Variants in RHD observed in about 807,000 individuals in gnomAD.
RHD encodes the protein Rh blood group D antigen.
Under a neutral mutation model 45.5 loss-of-function variants are expected in RHD, and 16 were observed. The ratio of observed to expected loss-of-function variants is 0.35; its 90% CI spans 0.24 to 0.53. RHD has a LOEUF of 0.53. Among genes scored for constraint, RHD ranks in the 20% least tolerant of loss-of-function variants. RHD has a pLI of 0.92. For missense variants in RHD, 306 were observed against 532.0 expected (o/e 0.58, Z 4.18); for synonymous variants, 131 against 217.5 (o/e 0.60, Z 3.50).
At chr1:25,319,158 A>G (rs780191643) in intron 8 of RHD, among the ~76,000 whole-genome samples, 2 of 129,594 alleles carry the variant, frequency 1.5e-5, no homozygotes, top group Admixed American at 7.4e-5. Context: ...TGGTATGTTC[A>G]AAGTGGTGCT....
At chr1:25,308,550 T>C (rs535247682) in intron 7 of RHD, among the ~76,000 whole-genome samples, 1 of 132,176 alleles carries the variant, frequency 7.6e-6, no homozygotes, top group East Asian at 2.0e-4. Context: ...TTGGTAGCAC[T>C]TGCAATTTCT....
In RHD at chr1:25,303,469, T is replaced by C. The variant is rs1234953353; in HGVS notation, c.939+10T>C. On this transcript the variant is annotated intron_variant, in intron 6 of 9. Coordinates refer to ENST00000328664, the MANE Select transcript of RHD (RefSeq NM_016124.6). ...AGCCAAGTACCTGCCGGTAAGAAAC[T>C]AGACAACTAACCTCCTCTGCTTTGG... 1 of 1,378,632 alleles carries C rather than the reference T, an allele frequency of 7.3e-7. No homozygotes were observed. Among genetic ancestry groups the C allele is most frequent in the African/African-American group, 1.4e-5 (1 of 70,238 alleles). 85.4% of individuals were successfully genotyped at this position (1,378,632 alleles called of 1,614,324 possible).
chr1:25,322,074 G>A, intron 9 of RHD, 112 bp downstream of exon 9: 2 of 582,896 alleles, frequency 3.4e-6, no homozygotes, highest in East Asian at 2.7e-5. Context: ...CAAAAATGGA[G>A]TAAGGAGCAT....
At chr1:25,301,386 C>G in intron 4 of RHD, 134 bp from the exon 5 acceptor site, 1 of 876,584 alleles carries the variant, frequency 1.1e-6, no homozygotes, top group South Asian at 1.4e-5. Flanking sequence ...GGAGGGGAGA[C>G]GTGACTTCCC....
chr1:25,295,303 A>G (rs1337305549), intron 3 of RHD, among the ~76,000 whole-genome samples: 1 of 108,774 alleles, frequency 9.2e-6, no homozygotes, highest in Non-Finnish European at 2.2e-5. Flanking sequence ...GCTACTTCCT[A>G]GGGCTGTTGT....
Position 25,309,699 on chromosome 1 carries a change from C to G in RHD, c.1073+2970C>G, listed in dbSNP as rs2986171. ...GCCTAGTTTGAATCCCAAGAGCCACCCAGTCCAAGCCACAAAACATTGGAA... is the reference window on the plus strand; with the variant it reads ...GCCTAGTTTGAATCCCAAGAGCCACGCAGTCCAAGCCACAAAACATTGGAA... On this transcript the variant is annotated intron_variant, in intron 7 of 9. Transcript: ENST00000328664. 2.4e-5 allele frequency among the ~76,000 whole-genome samples: 3 copies of G among 125,724 alleles called. 1 individual carries two copies. The highest frequency in any genetic ancestry group is 3.6e-5 in the Non-Finnish European group (2 of 55,414). 82.5% of individuals were successfully genotyped at this position (125,724 alleles called of 152,430 possible).
Position 25,307,041 on chromosome 1 carries a change from G to A in RHD, c.1073+312G>A, listed in dbSNP as rs1401918032. ...CAAGCCAATTGAGACTGTGGTTCAGGTCGTGATGCAGAGCTTTGCTGTGGA... is the reference window on the plus strand; with the variant it reads ...CAAGCCAATTGAGACTGTGGTTCAGATCGTGATGCAGAGCTTTGCTGTGGA... On this transcript the variant is annotated intron_variant, in intron 7 of 9. Coordinates refer to ENST00000328664, the MANE Select transcript of RHD (RefSeq NM_016124.6). 6 of 343,664 alleles carry A rather than the reference G, an allele frequency of 1.7e-5. 1 individual carries two copies. The highest frequency in any genetic ancestry group is 4.4e-5 in the African/African-American group (2 of 45,224). 21.3% of individuals were successfully genotyped at this position (343,664 alleles called of 1,614,324 possible). A position where few individuals can be genotyped will look rare whatever the true frequency, so the allele number is the denominator to read the frequency against.
chr1:25,303,842 A>G (rs536207280), intron 6 of RHD, among the ~76,000 whole-genome samples: 1 of 126,946 alleles, frequency 7.9e-6, no homozygotes, highest in East Asian at 2.0e-4. Flanking sequence ...CTTTCACCCC[A>G]CATTGTGGGG....
intron 3 of RHD, 51 bp from the exon 4 acceptor site, chr1:25,300,894 GC>G: frequency 7.3e-7 from 1 of 1,364,658 alleles, no homozygotes; most frequent in Non-Finnish European, 1.0e-6. Context: ...ATCAGGGCTT[GC>G]CCCGGGCAGA....
At chr1:25,306,834 C>T (rs759668376) in intron 7 of RHD, 105 bp downstream of exon 7, 1 of 1,038,986 alleles carries the variant, frequency 9.6e-7, no homozygotes, top group Admixed American at 1.8e-5. Context: ...GGGCCAGGTG[C>T]TCAGTAGGCT....
At chr1:25,276,357 G>A (rs1301771952) in intron 1 of RHD, among the ~76,000 whole-genome samples, 1 of 125,708 alleles carries the variant, frequency 8.0e-6, no homozygotes, top group Non-Finnish European at 1.9e-5. Context: ...GGGCACGTAG[G>A]GTCATCGTGC....
intron 2 of RHD, among the ~76,000 whole-genome samples, chr1:25,288,080 T>G (rs149261439): frequency 0.021 from 2,796 of 132,450 alleles, 437 homozygotes; most frequent in African/African-American, 0.066. Flanking sequence ...TGAAGTGGCA[T>G]GTTCATGGCT....
In RHD at chr1:25,310,970, T is replaced by A. The variant is rs113565095; in HGVS notation, c.1073+4241T>A. ...CTTGGGCAACAAGAGCAAAACTCCATCTCAAAAAAAAAAAAAAAGAAAGAA... is the reference window on the plus strand; with the variant it reads ...CTTGGGCAACAAGAGCAAAACTCCAACTCAAAAAAAAAAAAAAAGAAAGAA... On this transcript the variant is annotated intron_variant, in intron 7 of 9. Coordinates refer to ENST00000328664, the MANE Select transcript of RHD (RefSeq NM_016124.6). Among the ~76,000 whole-genome samples the A allele has an allele frequency of 2.9e-4, 31 of 107,116 alleles. 3 individuals carry two copies. The South Asian group carries it at 3.6e-3, about 12-fold the overall frequency. The allele number at this position is 107,116 out of a possible 152,430, so 70.3% of individuals were successfully genotyped here.
chr1:25,295,860 T>G lies in RHD; in HGVS notation c.486+5069T>G, dbSNP rs879702955. Among the ~76,000 whole-genome samples the G allele has an allele frequency of 2.1e-4, 21 of 102,060 alleles. 3 individuals carry two copies. Among genetic ancestry groups the G allele is most frequent in the Middle Eastern group, 4.8e-3 (1 of 208 alleles). The allele number at this position is 102,060 out of a possible 152,430, so 67.0% of individuals were successfully genotyped here. On this transcript the variant is annotated intron_variant, in intron 3 of 9. Transcript: ENST00000328664. ...GAGGGAATATGGGAAATTTTTTTTT[T>G]TTTTTTTTTTTTTTTTTTTGAGATG...
chr1:25,319,640 A>C lies in RHD; in HGVS notation c.1154-2249A>C, dbSNP rs746463273. 3.0e-5 allele frequency among the ~76,000 whole-genome samples: 4 copies of C among 132,170 alleles called. 1 individual carries two copies. Among genetic ancestry groups the C allele is most frequent in the Non-Finnish European group, 5.4e-5 (3 of 55,748 alleles). The allele number at this position is 132,170 out of a possible 152,430, so 86.7% of individuals were successfully genotyped here. On this transcript the variant is annotated intron_variant, in intron 8 of 9. Coordinates refer to ENST00000328664, the MANE Select transcript of RHD (RefSeq NM_016124.6). ...GGAAACAAAACAACTTGGACAATGGAAGGGGGAAAAAGTTCCTCAAGCAGC... is the reference window on the plus strand; with the variant it reads ...GGAAACAAAACAACTTGGACAATGGCAGGGGGAAAAAGTTCCTCAAGCAGC...
chr1:25,300,738 G>A (rs1387257458), intron 3 of RHD, among the ~76,000 whole-genome samples: 1 of 131,826 alleles, frequency 7.6e-6, no homozygotes, highest in African/African-American at 2.6e-5. Flanking sequence ...GAACCTGGGA[G>A]GCAAATGTTC....
In RHD at chr1:25,300,341, A is replaced by G. The variant is rs1476600705; in HGVS notation, c.487-605A>G. Among the ~76,000 whole-genome samples the G allele has an allele frequency of 2.3e-5, 3 of 129,534 alleles. 1 individual carries two copies. The highest frequency in any genetic ancestry group is 5.4e-5 in the Non-Finnish European group (3 of 55,056). 85.0% of individuals were successfully genotyped at this position (129,534 alleles called of 152,430 possible). On this transcript the variant is annotated intron_variant, in intron 3 of 9. Coordinates refer to ENST00000328664, the MANE Select transcript of RHD (RefSeq NM_016124.6). Reference sequence around the variant, plus strand: ...AGCCTGAGCAACATAGCAAGATTCCATCTTTACACAAAATTTAAAAATTGG... The same window carrying G: ...AGCCTGAGCAACATAGCAAGATTCCGTCTTTACACAAAATTTAAAAATTGG...
intron 8 of RHD, among the ~76,000 whole-genome samples, chr1:25,320,860 G>A (rs948433473): frequency 7.6e-6 from 1 of 130,730 alleles, no homozygotes; most frequent in African/African-American, 2.6e-5. Context: ...TGGGCAACAT[G>A]GCTAAGTCCT....
chr1:25,297,877 G>A (rs614983), intron 3 of RHD, among the ~76,000 whole-genome samples: 5 of 131,412 alleles, frequency 3.8e-5, no homozygotes, highest in Non-Finnish European at 5.4e-5. Context: ...AAGGGCAGGA[G>A]GTGCTGCCAG....
Sources: allele counts gnomAD v4.1 joint callset (sites outside exome capture counted in the v4.1 genomes callset), GRCh38; gene constraint gnomAD v4.1.1; transcripts MANE v1.5; gene names NCBI Gene and HGNC (gene_info 2026-07-23, HGNC 2026-07-21).